Variants in PRKCE observed in about 807,000 individuals in gnomAD.
The protein encoded by PRKCE is protein kinase C epsilon, also known as protein kinase C epsilon type.
In PRKCE, 16 loss-of-function variants were observed where a neutral mutation model predicts 85.4. The observed-to-expected ratio is 0.19, with a 90% confidence interval of 0.13 to 0.28. PRKCE has a LOEUF of 0.28. Among genes scored for constraint, PRKCE ranks in the 10% least tolerant of loss-of-function variants. The pLI, the probability that PRKCE is intolerant of heterozygous loss-of-function variation, is 1.00. For missense variants in PRKCE, 573 were observed against 975.2 expected, an observed-to-expected ratio of 0.59 and a Z score of 5.49; for synonymous variants, 388 against 371.5, an observed-to-expected ratio of 1.04 and a Z score of -0.51.
intron 10 of PRKCE, among the ~76,000 whole-genome samples, chr2:46,013,236 C>A (rs1242886489): frequency 6.6e-6 from 1 of 152,140 alleles, no homozygotes; most frequent in Non-Finnish European, 1.5e-5. Context: ...AACAGTTTAT[C>A]ATAGTTTTAA....
At chr2:45,954,780 G>C (rs1283949443) in intron 2 of PRKCE, among the ~76,000 whole-genome samples, 5 of 152,132 alleles carry the variant, frequency 3.3e-5, no homozygotes, top group Non-Finnish European at 5.9e-5. Context: ...TTGTTAAACT[G>C]TTTAGAACCG....
Position 46,041,039 on chromosome 2 carries a change from T to C in PRKCE, c.1437+30522T>C, listed in dbSNP as rs1708188989. On this transcript the variant is annotated intron_variant, in intron 10 of 14. Coordinates refer to ENST00000306156, the MANE Select transcript of PRKCE (RefSeq NM_005400.3). This position sits in a 1 kb window ranked among gnomAD's most constrained non-coding sequence, Gnocchi z 5.5. Reference sequence around the variant, plus strand: ...CAAAATAAATCATTCCGTTTGCCTGTCATATTCTGACTTTTTGAAAATCAT... The same window carrying C: ...CAAAATAAATCATTCCGTTTGCCTGCCATATTCTGACTTTTTGAAAATCAT... Among the ~76,000 whole-genome samples the C allele has an allele frequency of 6.6e-6, 1 of 152,252 alleles. No individual in the cohort carries two copies. The highest frequency in any genetic ancestry group is 2.1e-4 in the South Asian group (1 of 4,834).
chr2:46,093,677 T>C (rs1216975989), intron 11 of PRKCE, among the ~76,000 whole-genome samples: 1 of 152,044 alleles, frequency 6.6e-6, no homozygotes, highest in Non-Finnish European at 1.5e-5. Context: ...TACACAGGCA[T>C]GAACCATGGC....
chr2:46,181,451 A>G (rs1679970222), intron 14 of PRKCE, among the ~76,000 whole-genome samples: 1 of 152,234 alleles, frequency 6.6e-6, no homozygotes, highest in Non-Finnish European at 1.5e-5. Flanking sequence ...ACTCTCTCAA[A>G]TGCCACAGAT....
At chr2:46,175,681 G>A (rs971155448) in intron 14 of PRKCE, among the ~76,000 whole-genome samples, 5 of 152,162 alleles carry the variant, frequency 3.3e-5, no homozygotes, top group East Asian at 1.9e-4. Context: ...CTCACAGATC[G>A]GCATTTAAAG....
At chr2:46,063,371 C>T (rs1489800398) in intron 10 of PRKCE, among the ~76,000 whole-genome samples, 2 of 148,564 alleles carry the variant, frequency 1.3e-5, no homozygotes, top group Non-Finnish European at 3.0e-5. Flanking sequence ...AAAGTCGGGG[C>T]GGAGCTGTCT....
At position 45,774,257 on chromosome 2, in the gene PRKCE, G is replaced by C. The variant is rs1374598180; in HGVS notation, c.349-68743G>C. Reference sequence around the variant, plus strand: ...TTCTAAGGCCTCCCCTCTCTCAGCAGCTGCTTCACAGCCTCACGGGAGGTG... The same window carrying C: ...TTCTAAGGCCTCCCCTCTCTCAGCACCTGCTTCACAGCCTCACGGGAGGTG... On this transcript the variant is annotated intron_variant, in intron 1 of 14. Coordinates refer to ENST00000306156, the MANE Select transcript of PRKCE (RefSeq NM_005400.3). The surrounding 1 kb of genome is among the most constrained non-coding windows in gnomAD (Gnocchi z 4.3). 2.6e-5 allele frequency among the ~76,000 whole-genome samples: 4 copies of C among 152,180 alleles called. No homozygotes were observed. The highest frequency in any genetic ancestry group is 7.2e-5 in the African/African-American group (3 of 41,458).
chr2:45,761,401 C>T (rs1236451982), intron 1 of PRKCE, among the ~76,000 whole-genome samples: 3 of 151,658 alleles, frequency 2.0e-5, no homozygotes, highest in African/African-American at 7.3e-5. Flanking sequence ...GCCTCAATTC[C>T]TCCTATCAAT....
rs931082401 is a variant in PRKCE, at chr2:46,068,573, T to C, written c.1438-17635T>C. Among the ~76,000 whole-genome samples, 3 of 152,208 alleles carry C rather than the reference T, an allele frequency of 2.0e-5. No homozygotes were observed. The highest frequency in any genetic ancestry group is 2.9e-5 in the Non-Finnish European group (2 of 68,032). The stretch of plus-strand genomic sequence containing the variant: ...AAAAACTCTCTCTGATGTAACAATA[T>C]AAGGCAATGGTAGAAGGTTGTCACA... On this transcript the variant is annotated intron_variant, in intron 10 of 14. Transcript: ENST00000306156. The surrounding 1 kb of genome is among the most constrained non-coding windows in gnomAD (Gnocchi z 4.3).
At chr2:45,737,098 C>A (rs1185635284) in intron 1 of PRKCE, among the ~76,000 whole-genome samples, 1 of 152,198 alleles carries the variant, frequency 6.6e-6, no homozygotes, top group Non-Finnish European at 1.5e-5. Context: ...ATCTCCCCTG[C>A]AGCATGGGGT....
At chr2:46,111,844 G>A (rs1303905698) in intron 11 of PRKCE, among the ~76,000 whole-genome samples, 1 of 152,136 alleles carries the variant, frequency 6.6e-6, no homozygotes, top group African/African-American at 2.4e-5. Flanking sequence ...TGGACTTGCT[G>A]GGTCAAGTAG....
At chr2:46,151,490 G>T (rs189577707) in intron 13 of PRKCE, among the ~76,000 whole-genome samples, 113 of 152,318 alleles carry the variant, frequency 7.4e-4, no homozygotes, top group African/African-American at 2.6e-3. Context: ...GGGAAGAGGA[G>T]CGCATGTCTG....
At chr2:46,092,587 G>C (rs116736378) in intron 11 of PRKCE, among the ~76,000 whole-genome samples, 1,595 of 152,300 alleles carry the variant, frequency 0.01, 32 homozygotes, top group African/African-American at 0.036. Flanking sequence ...AATCCAGTCA[G>C]AACCTCAGTG....
chr2:45,749,628 T>A (rs1390779452), intron 1 of PRKCE, among the ~76,000 whole-genome samples: 1 of 152,240 alleles, frequency 6.6e-6, no homozygotes, highest in Admixed American at 6.5e-5. Flanking sequence ...TGAAAATTAG[T>A]GATAAGCATG....
chr2:45,780,091 A>G (rs1458876843), intron 1 of PRKCE, among the ~76,000 whole-genome samples: 2 of 152,178 alleles, frequency 1.3e-5, no homozygotes, highest in African/African-American at 2.4e-5. Context: ...ATATATAACC[A>G]CAGTGCCATT....
intron 1 of PRKCE, among the ~76,000 whole-genome samples, chr2:45,694,475 A>G (rs968323015): frequency 6.6e-6 from 1 of 152,200 alleles, no homozygotes; most frequent in Non-Finnish European, 1.5e-5. Flanking sequence ...TTCCCCATCT[A>G]AGTGCTAACA....
At chr2:46,073,211 T>C (rs75898389) in intron 10 of PRKCE, among the ~76,000 whole-genome samples, 2,802 of 152,288 alleles carry the variant, frequency 0.018, 186 homozygotes, top group Admixed American at 0.12. Flanking sequence ...AAGGAACTCA[T>C]TGTAGAACAA....
intron 1 of PRKCE, among the ~76,000 whole-genome samples, chr2:45,689,221 T>G (rs754072376): frequency 5.4e-4 from 82 of 152,192 alleles, no homozygotes; most frequent in Non-Finnish European, 9.1e-4. Context: ...GATCACAGAT[T>G]CCGAGTTGAA....
intron 1 of PRKCE, among the ~76,000 whole-genome samples, chr2:45,783,098 G>T (rs558175408): frequency 6.6e-6 from 1 of 152,328 alleles, no homozygotes; most frequent in Admixed American, 6.5e-5. Flanking sequence ...AGTGGCCAGT[G>T]TGCACTCCCA....
Sources: allele counts gnomAD v4.1 joint callset (sites outside exome capture counted in the v4.1 genomes callset), GRCh38; gene constraint gnomAD v4.1.1; non-coding constraint Gnocchi (gnomAD v3.1); transcripts MANE v1.5; gene names NCBI Gene and HGNC (gene_info 2026-07-23, HGNC 2026-07-21).